Variants in NT5DC1 observed in about 807,000 individuals in gnomAD.
NT5DC1 encodes the protein 5'-nucleotidase domain containing 1.
In NT5DC1, 42 loss-of-function variants were observed where a neutral mutation model predicts 59.4. The observed-to-expected ratio is 0.71, with a 90% confidence interval of 0.55 to 0.92. The LOEUF is 0.92. Among genes scored for constraint, NT5DC1 ranks in the 40% least tolerant of loss-of-function variants. NT5DC1 has a pLI of 0.00. For missense variants in NT5DC1, 501 were observed against 537.1 expected (o/e 0.93, Z 0.66); for synonymous variants, 172 against 188.1 (o/e 0.91, Z 0.70).
intron 9 of NT5DC1, among the ~76,000 whole-genome samples, 200 bp downstream of exon 9, chr6:116,237,284 A>G (rs1295807586): frequency 5.3e-5 from 8 of 152,186 alleles, no homozygotes; most frequent in Admixed American, 5.2e-4. Context: ...AGTGTGTAGG[A>G]TGCCTGTGGA....
chr6:116,103,696 T>C (rs1187757803), intron 1 of NT5DC1, among the ~76,000 whole-genome samples: 1 of 152,058 alleles, frequency 6.6e-6, no homozygotes, highest in African/African-American at 2.4e-5. Flanking sequence ...TGTAGGCATT[T>C]AACAACTGCA....
At chr6:116,155,990 T>C (rs1780183495) in intron 6 of NT5DC1, among the ~76,000 whole-genome samples, 1 of 152,136 alleles carries the variant, frequency 6.6e-6, no homozygotes, top group Non-Finnish European at 1.5e-5. Flanking sequence ...AAAAATTACA[T>C]TGACTTGAAT....
At chr6:116,175,572 G>T (rs1313571122) in intron 6 of NT5DC1, among the ~76,000 whole-genome samples, 3 of 152,090 alleles carry the variant, frequency 2.0e-5, no homozygotes, top group Admixed American at 1.3e-4. Context: ...ATTTGATAAT[G>T]TCTTACAGTT....
intron 1 of NT5DC1, among the ~76,000 whole-genome samples, chr6:116,103,892 TA>T (rs1197842899): frequency 3.3e-5 from 5 of 151,546 alleles, no homozygotes; most frequent in Non-Finnish European, 2.9e-5. Flanking sequence ...ATGCTTATAC[TA>T]AAAAAAAATT....
intron 6 of NT5DC1, among the ~76,000 whole-genome samples, chr6:116,212,124 T>G (rs1781592148): frequency 6.6e-6 from 1 of 152,112 alleles, no homozygotes; most frequent in Admixed American, 6.6e-5. Flanking sequence ...TTCAAATTTT[T>G]TATTAAAAAG....
At chr6:116,219,981 A>C (rs1158403723) in intron 6 of NT5DC1, among the ~76,000 whole-genome samples, 1 of 149,746 alleles carries the variant, frequency 6.7e-6, no homozygotes, top group Non-Finnish European at 1.5e-5. Context: ...AAAAAAAAAA[A>C]AAACAACTCT....
intron 6 of NT5DC1, among the ~76,000 whole-genome samples, chr6:116,192,988 T>C (rs1781151224): frequency 6.6e-6 from 1 of 152,092 alleles, no homozygotes; most frequent in South Asian, 2.1e-4. Context: ...GTATGAGATA[T>C]ACTTAGTTTG....
intron 6 of NT5DC1, among the ~76,000 whole-genome samples, chr6:116,213,301 C>T (rs1180726607): frequency 2.6e-5 from 4 of 152,082 alleles, no homozygotes; most frequent in Non-Finnish European, 4.4e-5. Context: ...TTTAGCTCAA[C>T]ACTCAGCTGG....
At chr6:116,166,604 C>T (rs1396630478) in intron 6 of NT5DC1, among the ~76,000 whole-genome samples, 2 of 152,174 alleles carry the variant, frequency 1.3e-5, no homozygotes. Context: ...AGATATTTCC[C>T]TTGAGGTTTT....
rs377696308 is a variant in NT5DC1, at chr6:116,120,373, A to G, written c.529+2428A>G. 2.4e-5 allele frequency: 38 copies of G among 1,614,136 alleles called. No homozygotes were observed. The African/African-American group carries it at 4.5e-4, about 19-fold the overall frequency. On this transcript the variant is annotated intron_variant, in intron 6 of 11. Coordinates refer to ENST00000319550, the MANE Select transcript of NT5DC1 (RefSeq NM_152729.3). Reference sequence around the variant, plus strand: ...TAAAGATTCCAGTCCTTGGGTCATAATGCTGTTGCCTGTTATACAAAATTT... The same window carrying G: ...TAAAGATTCCAGTCCTTGGGTCATAGTGCTGTTGCCTGTTATACAAAATTT...
chr6:116,157,034 A>G (rs1780212397), intron 6 of NT5DC1, among the ~76,000 whole-genome samples: 3 of 152,144 alleles, frequency 2.0e-5, no homozygotes, highest in East Asian at 1.9e-4. Flanking sequence ...CGTTCACTTC[A>G]TAGCACTGCC....
chr6:116,144,650 A>T (rs1562137111), intron 6 of NT5DC1, among the ~76,000 whole-genome samples: 1 of 152,120 alleles, frequency 6.6e-6, no homozygotes, highest in African/African-American at 2.4e-5. Flanking sequence ...TAGTAAACGG[A>T]CTCTTAGATT....
At chr6:116,122,114 T>TA (rs1779150195) in intron 6 of NT5DC1, among the ~76,000 whole-genome samples, 1 of 152,228 alleles carries the variant, frequency 6.6e-6, no homozygotes, top group African/African-American at 2.4e-5. Context: ...TTAGATTATA[T>TA]GTTTTATACT....
rs550638627 is a variant in NT5DC1 at position 116,100,954 on chromosome 6, C to T, written c.24C>T (p.Ala8=). Residue 8 remains alanine, a synonymous_variant, in exon 1 of 12, where the codon GCC becomes GCT. Coordinates refer to ENST00000319550, the MANE Select transcript of NT5DC1 (RefSeq NM_152729.3). MAQHFSL[A]ACDVVGFDLD... ...CCATGGCTCAGCACTTCTCCCTGGC[C>T]GCCTGCGACGTGGTCGGATTCGACC... 1.2e-6 allele frequency: 2 copies of T among 1,604,582 alleles called. No homozygotes were observed. The highest frequency in any genetic ancestry group is 1.7e-5 in the Admixed American group (1 of 59,536).
chr6:116,114,292 G>A (rs1778925935), intron 4 of NT5DC1, among the ~76,000 whole-genome samples: 1 of 152,028 alleles, frequency 6.6e-6, no homozygotes, highest in Non-Finnish European at 1.5e-5. Context: ...ACAGGAAGAA[G>A]TAAGAGGCAG....
chr6:116,239,051 G>T lies in NT5DC1; in HGVS notation c.1180G>T (p.Val394Phe), dbSNP rs755209144. 5.6e-6 allele frequency: 9 copies of T among 1,610,838 alleles called. No homozygotes were observed. In the East Asian group the frequency reaches 1.6e-4, roughly 28 times the overall value. ...LGLENTEDSL[V>F]YTWSCKRIST... ...ACTGGAAAATACAGAAGACTCCTTG[G>T]TTTATACATGGTCTTGTAAGAGAAT... is the stretch of plus-strand genomic sequence containing the variant. The change falls in exon 11 of 12, where the codon GTT becomes TTT. Residue 394 changes from valine (V) to phenylalanine (F), a missense_variant. By Grantham distance (50) the Val-to-Phe change is conservative. Coordinates refer to ENST00000319550, the MANE Select transcript of NT5DC1 (RefSeq NM_152729.3).
At chr6:116,113,837 A>G (rs564562371) in intron 4 of NT5DC1, among the ~76,000 whole-genome samples, 1 of 152,316 alleles carries the variant, frequency 6.6e-6, no homozygotes, top group Non-Finnish European at 1.5e-5. Flanking sequence ...GTAACTGGCA[A>G]TGCTGGGATG....
chr6:116,122,538 A>G (rs565543820), intron 6 of NT5DC1, among the ~76,000 whole-genome samples: 2 of 152,364 alleles, frequency 1.3e-5, no homozygotes, highest in East Asian at 1.9e-4. Flanking sequence ...AGAATTAGAC[A>G]TAATAGGTGA....
intron 6 of NT5DC1, among the ~76,000 whole-genome samples, chr6:116,211,236 G>A (rs995025885): frequency 2.0e-5 from 3 of 152,042 alleles, no homozygotes; most frequent in Admixed American, 6.6e-5. Context: ...CAGACAGTGA[G>A]TGAAGAAACC....
Sources: gnomAD v4.1 joint callset for allele counts (sites outside exome capture counted in the v4.1 genomes callset) on GRCh38, gnomAD v4.1.1 for gene constraint, MANE v1.5 for transcripts, NCBI Gene and HGNC (gene_info 2026-07-23, HGNC 2026-07-21) for gene names.